Variants in GLI3 observed in about 807,000 individuals in gnomAD.
The protein encoded by GLI3 is GLI family zinc finger 3, also known as transcription activator GLI3.
In GLI3, 20 loss-of-function variants were observed where a neutral mutation model predicts 100.8. The observed-to-expected ratio is 0.20, with a 90% CI of 0.14 to 0.29. GLI3 has a LOEUF of 0.29. Ranked by LOEUF, GLI3 falls within the 10% of genes least tolerant of loss-of-function variation. The probability of loss-of-function intolerance (pLI) is 1.00; values close to 1 mark genes in which losing one functional copy is unlikely to be tolerated. For missense variants in GLI3, 2,040 were observed against 2,128.5 expected (o/e 0.96, Z 0.82); for synonymous variants, 938 against 860.5 (o/e 1.09, Z -1.58).
chr7:42,040,628 C>T (rs1784117354), intron 6 of GLI3, among the ~76,000 whole-genome samples: 1 of 152,172 alleles, frequency 6.6e-6, no homozygotes, highest in Non-Finnish European at 1.5e-5. Flanking sequence ...CCACCCTCCC[C>T]ACCCCAACAC....
intron 3 of GLI3, among the ~76,000 whole-genome samples, chr7:42,124,548 G>A (rs1033019644): frequency 2.0e-5 from 3 of 152,180 alleles, no homozygotes; most frequent in Non-Finnish European, 4.4e-5. Context: ...GATGAAAAGC[G>A]TCCGTGTACT....
intron 2 of GLI3, among the ~76,000 whole-genome samples, chr7:42,217,432 T>C (rs1788400083): frequency 6.6e-6 from 1 of 152,092 alleles, no homozygotes; most frequent in Non-Finnish European, 1.5e-5. Context: ...TTTAGAAACA[T>C]AAAAACTCTC....
intron 1 of GLI3, among the ~76,000 whole-genome samples, chr7:42,235,887 A>G (rs2128707200): frequency 6.6e-6 from 1 of 152,358 alleles, no homozygotes; most frequent in South Asian, 2.1e-4. Flanking sequence ...AAACTGGCAG[A>G]GGGCCATGAG....
chr7:42,007,698 G>C (rs1788495912), intron 10 of GLI3, among the ~76,000 whole-genome samples: 2 of 152,090 alleles, frequency 1.3e-5, no homozygotes, highest in South Asian at 4.1e-4. Context: ...TAGCAGGAAT[G>C]GTTACATCAA....
intron 2 of GLI3, among the ~76,000 whole-genome samples, chr7:42,207,170 T>C (rs1233632397): frequency 6.6e-6 from 1 of 152,222 alleles, no homozygotes; most frequent in Non-Finnish European, 1.5e-5. Flanking sequence ...CCTAGGTTTA[T>C]GCCCAATAGA....
chr7:42,098,900 C>T (rs536596670), intron 3 of GLI3, among the ~76,000 whole-genome samples: 2 of 152,262 alleles, frequency 1.3e-5, no homozygotes, highest in East Asian at 3.9e-4. Flanking sequence ...TGTTTTGAGG[C>T]TGAAATACAT....
chr7:42,236,622 G>A, intron 1 of GLI3, among the ~76,000 whole-genome samples: 1 of 152,222 alleles, frequency 6.6e-6, no homozygotes, highest in East Asian at 1.9e-4. Context: ...CCAGGCGCGT[G>A]CGGGGCTCGC....
chr7:42,262,232 C>CCTTCCTTT lies in GLI3; in HGVS notation c.-43+1761_-43+1762insAAAGGAAG, dbSNP rs1554345661. ...TCTTTCCTTCCTTCCTTCTTTCCTT[C>CCTTCCTTT]CTTCCTTCCTTCCTTTCTTCCTCCC... On this transcript the variant is annotated intron_variant, in intron 1 of 2. Transcript: ENST00000678978. Among the ~76,000 whole-genome samples the CCTTCCTTT allele has an allele frequency of 7.9e-3, 1,094 of 137,868 alleles. 31 individuals carry two copies. The highest frequency in any genetic ancestry group is 0.031 in the African/African-American group (1,017 of 32,488). The allele number at this position is 137,868 out of a possible 152,430, so 90.4% of individuals were successfully genotyped here.
chr7:42,032,058 A>G (rs1016645791), intron 7 of GLI3, among the ~76,000 whole-genome samples: 1 of 152,284 alleles, frequency 6.6e-6, no homozygotes, highest in Admixed American at 6.5e-5. Flanking sequence ...CCTCACTTAC[A>G]TGGAAGTCTC....
At chr7:42,013,900 G>A (rs1788687799) in intron 10 of GLI3, among the ~76,000 whole-genome samples, 1 of 152,168 alleles carries the variant, frequency 6.6e-6, no homozygotes, top group African/African-American at 2.4e-5. Flanking sequence ...AAGACACAGA[G>A]GTTCCATGGG....
chr7:42,084,898 ATTCTTTTTTT>A (rs1785069239), intron 3 of GLI3, among the ~76,000 whole-genome samples: 1 of 91,896 alleles, frequency 1.1e-5, no homozygotes, highest in South Asian at 3.7e-4. Flanking sequence ...ATGCATTTGG[ATTCTTTTTTT>A]TTTTTTTTTT....
chr7:41,987,095 GACACAGACACACAC>G (rs1379031954), intron 10 of GLI3, among the ~76,000 whole-genome samples: 9 of 73,326 alleles, frequency 1.2e-4, no homozygotes, highest in Non-Finnish European at 1.9e-4. Flanking sequence ...CACAGACACA[GACACAGACACACAC>G]ACACACACAC....
chr7:41,994,788 A>G (rs1788078973), intron 10 of GLI3, among the ~76,000 whole-genome samples: 1 of 152,242 alleles, frequency 6.6e-6, no homozygotes, highest in African/African-American at 2.4e-5. Flanking sequence ...TTTTATAAGC[A>G]GATTTTCTTG....
rs537461877 is a variant in GLI3, at chr7:41,987,257, C to T, written c.1498-8509G>A. ...GATCTCAGCTCACTACAACCTCCAC[C>T]TCCCGAGTTCAAGTGATTCTTCTGC... On this transcript the variant is annotated intron_variant, in intron 10 of 14. Transcript: ENST00000395925. 5.3e-5 allele frequency among the ~76,000 whole-genome samples: 8 copies of T among 152,248 alleles called. No homozygotes were observed. The East Asian group carries it at 1.2e-3, about 22-fold the overall frequency.
intron 7 of GLI3, among the ~76,000 whole-genome samples, chr7:42,034,557 C>T (rs1334135671): frequency 6.6e-6 from 1 of 152,118 alleles, no homozygotes; most frequent in Non-Finnish European, 1.5e-5. Context: ...CTTTGGCTAA[C>T]CTGCCCCGTG....
chr7:42,023,937 A>C (rs982486477), intron 9 of GLI3, among the ~76,000 whole-genome samples: 1 of 152,238 alleles, frequency 6.6e-6, no homozygotes, highest in African/African-American at 2.4e-5. Flanking sequence ...TAAAACAAAC[A>C]AACAAAAAAC....
At chr7:42,081,807 T>C (rs988222740) in intron 3 of GLI3, among the ~76,000 whole-genome samples, 1 of 152,134 alleles carries the variant, frequency 6.6e-6, no homozygotes, top group Non-Finnish European at 1.5e-5. Context: ...TCTCAGTTAG[T>C]GCCCTGAAGG....
chr7:42,107,530 C>A (rs1383662625), intron 3 of GLI3, among the ~76,000 whole-genome samples: 1 of 152,224 alleles, frequency 6.6e-6, no homozygotes, highest in Non-Finnish European at 1.5e-5. Flanking sequence ...AGCGAGAGTT[C>A]TGCCCTTGCT....
At chr7:42,066,413 T>C (rs1784675722) in intron 4 of GLI3, among the ~76,000 whole-genome samples, 1 of 152,010 alleles carries the variant, frequency 6.6e-6, no homozygotes, top group Non-Finnish European at 1.5e-5. Flanking sequence ...CCACCAATAA[T>C]AACCTAAGTA....
Sources: allele counts gnomAD v4.1 joint callset (sites outside exome capture counted in the v4.1 genomes callset), GRCh38; gene constraint gnomAD v4.1.1; transcripts MANE v1.5; gene names NCBI Gene and HGNC (gene_info 2026-07-23, HGNC 2026-07-21).